ATL2: variants seen among roughly 807,000 people sequenced by gnomAD.
The protein encoded by ATL2 is atlastin GTPase 2.
ATL2 carries 31 observed loss-of-function variants against 73.9 expected under a neutral mutation model. The ratio of observed to expected loss-of-function variants is 0.42; its 90% confidence interval spans 0.32 to 0.57. The LOEUF (loss-of-function observed/expected upper bound fraction) is 0.57. ATL2 is among the 20% of genes least tolerant of loss of function. ATL2 has a pLI of 0.14. For missense variants in ATL2, 738 were observed against 702.6 expected (o/e 1.05, Z -0.57); for synonymous variants, 291 against 237.5 (o/e 1.23, Z -2.07).
chr2:38,362,798 G>A (rs1459925456), intron 1 of ATL2, among the ~76,000 whole-genome samples: 1 of 152,326 alleles, frequency 6.6e-6, no homozygotes, highest in African/African-American at 2.4e-5. Context: ...GTCAGCTAGT[G>A]TTAAGTGCTA....
At chr2:38,335,388 A>C (rs1018234894) in intron 2 of ATL2, among the ~76,000 whole-genome samples, 1 of 152,254 alleles carries the variant, frequency 6.6e-6, no homozygotes, top group African/African-American at 2.4e-5. Context: ...CATCCAATGA[A>C]ATATCACTCA....
At chr2:38,322,947 A>C (rs938827669) in intron 2 of ATL2, among the ~76,000 whole-genome samples, 3 of 152,242 alleles carry the variant, frequency 2.0e-5, no homozygotes, top group African/African-American at 4.8e-5. Flanking sequence ...TAAAACGTGT[A>C]AAAGTGTATA....
At chr2:38,361,353 CAA>C (rs921670483) in intron 1 of ATL2, among the ~76,000 whole-genome samples, 1,311 of 59,750 alleles carry the variant, frequency 0.022, 19 homozygotes, top group African/African-American at 0.057. Flanking sequence ...GACTCCGTCT[CAA>C]AAAAAAAAAA....
chr2:38,354,178 C>T, intron 1 of ATL2: 1 of 398,598 alleles, frequency 2.5e-6, no homozygotes, highest in African/African-American at 5.1e-5. Context: ...GAGCAAGACT[C>T]TGTCTCAAAA....
Position 38,295,676 on chromosome 2 carries a change from T to G in ATL2, c.*318A>C. ...GAGACTCTAAATAGATTTCTGAAAA[T>G]ATTTCCCTGAAATATCCTTTTACAT... is the stretch of plus-strand genomic sequence containing the variant. On this transcript the variant is annotated 3_prime_UTR_variant, in exon 13 of 13. Transcript: ENST00000378954. 5.7e-6 allele frequency: 1 copy of G among 175,492 alleles called. No homozygotes were observed. Among genetic ancestry groups the G allele is most frequent in the South Asian group, 1.7e-4 (1 of 5,958 alleles). 10.9% of individuals were successfully genotyped at this position (175,492 alleles called of 1,614,324 possible). A position where few individuals can be genotyped will look rare whatever the true frequency, so the allele number is the denominator to read the frequency against.
chr2:38,366,163 A>C (rs1279928345), intron 1 of ATL2, among the ~76,000 whole-genome samples: 1 of 151,700 alleles, frequency 6.6e-6, no homozygotes, highest in East Asian at 1.9e-4. Context: ...GTCCCCTCTT[A>C]GTTTGGCAAT....
rs370736824 is a variant in ATL2 at position 38,312,085 on chromosome 2, CAAAT to C, written c.804+1062_804+1065del. Among the ~76,000 whole-genome samples, 310 of 152,274 alleles carry C rather than the reference CAAAT, an allele frequency of 2.0e-3. 2 individuals are homozygous for C. The highest frequency in any genetic ancestry group is 6.9e-3 in the African/African-American group (288 of 41,562). On this transcript the variant is annotated intron_variant, in intron 7 of 12. Coordinates refer to ENST00000378954, the MANE Select transcript of ATL2 (RefSeq NM_001135673.4). ...AAACCAAATGCATCATTCCCATAGA[CAAAT>C]AAAATCTTATCAATGAAAGACAGCA...
intron 4 of ATL2, among the ~76,000 whole-genome samples, chr2:38,316,563 C>A (rs777621335): frequency 8.0e-6 from 1 of 124,770 alleles, no homozygotes; most frequent in Non-Finnish European, 1.5e-5. Flanking sequence ...AAGAAAACTA[C>A]CCCCCCCACC....
chr2:38,304,593 T>C (rs1038287803), intron 9 of ATL2, among the ~76,000 whole-genome samples: 6 of 152,134 alleles, frequency 3.9e-5, no homozygotes, highest in African/African-American at 1.4e-4. Context: ...AACCACAACT[T>C]TTCCAGACAT....
At chr2:38,333,997 GA>G (rs1280830992) in intron 2 of ATL2, among the ~76,000 whole-genome samples, 2 of 148,758 alleles carry the variant, frequency 1.3e-5, no homozygotes, top group African/African-American at 5.0e-5. Context: ...CTAAGGGGAA[GA>G]TAGTCCACAT....
chr2:38,329,099 A>G (rs1309788989), intron 2 of ATL2, among the ~76,000 whole-genome samples: 3 of 148,246 alleles, frequency 2.0e-5, no homozygotes, highest in Non-Finnish European at 4.5e-5. Flanking sequence ...TACCAAACTC[A>G]CACAAGGAGA....
intron 1 of ATL2, among the ~76,000 whole-genome samples, chr2:38,363,702 C>T (rs927290862): frequency 3.9e-5 from 6 of 152,178 alleles, no homozygotes; most frequent in African/African-American, 1.4e-4. Context: ...TCATGAATTA[C>T]GAGGAAGACC....
In ATL2 at chr2:38,374,773, G is replaced by A. The variant is rs76218005; in HGVS notation, c.118+2370C>T. Among the ~76,000 whole-genome samples the A allele has an allele frequency of 6.8e-3, 1,028 of 152,234 alleles. 11 individuals carry two copies. Among genetic ancestry groups the A allele is most frequent in the East Asian group, 0.054 (282 of 5,184 alleles). ...CAGCTAGCTGCCTAATACCAACTGTGGAAAAAGCCTAATTTTGGAAAAGGT... is the reference window on the plus strand; with the variant it reads ...CAGCTAGCTGCCTAATACCAACTGTAGAAAAAGCCTAATTTTGGAAAAGGT... On this transcript the variant is annotated intron_variant, in intron 1 of 12. Coordinates refer to ENST00000378954, the MANE Select transcript of ATL2 (RefSeq NM_001135673.4).
At chr2:38,344,706 C>T (rs566153283) in intron 1 of ATL2, among the ~76,000 whole-genome samples, 20 of 152,290 alleles carry the variant, frequency 1.3e-4, no homozygotes, top group Admixed American at 1.2e-3. Context: ...ATGATACTTA[C>T]AATGAGTCCC....
intron 9 of ATL2, among the ~76,000 whole-genome samples, chr2:38,307,375 G>C (rs1667508871): frequency 6.7e-6 from 1 of 149,886 alleles, no homozygotes; most frequent in South Asian, 2.1e-4. Flanking sequence ...TTTTGAAATG[G>C]AGCCTTGCTC....
chr2:38,335,652 TGA>T (rs1203470326), intron 2 of ATL2, among the ~76,000 whole-genome samples: 2 of 151,144 alleles, frequency 1.3e-5, no homozygotes, highest in Non-Finnish European at 2.9e-5. Context: ...TGTCTTGTTC[TGA>T]GAGACAGTGG....
chr2:38,347,347 C>G (rs1670082976), intron 1 of ATL2, among the ~76,000 whole-genome samples: 1 of 152,104 alleles, frequency 6.6e-6, no homozygotes, highest in Non-Finnish European at 1.5e-5. Flanking sequence ...TGTTTCCCAC[C>G]TTAGAATTTT....
intron 9 of ATL2, among the ~76,000 whole-genome samples, chr2:38,307,753 T>C (rs1352147423): frequency 1.3e-5 from 2 of 150,886 alleles, no homozygotes; most frequent in Admixed American, 6.6e-5. Flanking sequence ...CAAACAACTC[T>C]ACAGGGAAAA....
chr2:38,367,729 T>C (rs1238766824), intron 1 of ATL2, among the ~76,000 whole-genome samples: 3 of 144,374 alleles, frequency 2.1e-5, no homozygotes, highest in Non-Finnish European at 4.5e-5. Context: ...GCCTCCAGGG[T>C]TCAAGTGATT....
Sources: allele counts gnomAD v4.1 joint callset (sites outside exome capture counted in the v4.1 genomes callset), GRCh38; gene constraint gnomAD v4.1.1; transcripts MANE v1.5; gene names NCBI Gene and HGNC (gene_info 2026-07-23, HGNC 2026-07-21).